The following UNC5C variants were observed in gnomAD, a reference collection of about 807,000 sequenced individuals.
The protein encoded by UNC5C is unc-5 netrin receptor C.
Under a neutral mutation model 99.8 loss-of-function variants are expected in UNC5C, and 47 were observed. The observed-to-expected ratio is 0.47, with a 90% CI of 0.37 to 0.60. The LOEUF (loss-of-function observed/expected upper bound fraction) is 0.60, where lower values mean the gene tolerates loss of function less well. Among genes scored for constraint, UNC5C ranks in the 20% least tolerant of loss-of-function variants. UNC5C has a pLI of 0.00. For missense variants in UNC5C, 1,062 were observed against 1,165.9 expected (o/e 0.91, Z 1.30); for synonymous variants, 487 against 452.2 (o/e 1.08, Z -0.98).
intron 7 of UNC5C, among the ~76,000 whole-genome samples, chr4:95,227,303 C>T (rs1738736178): frequency 6.6e-6 from 1 of 151,758 alleles, no homozygotes; most frequent in African/African-American, 2.4e-5. Flanking sequence ...ATCTGCACCA[C>T]CACACCCAGG....
At chr4:95,291,218 A>G (rs1027777450) in intron 3 of UNC5C, among the ~76,000 whole-genome samples, 1 of 152,024 alleles carries the variant, frequency 6.6e-6, no homozygotes, top group African/African-American at 2.4e-5. Flanking sequence ...TTAGTTTCAG[A>G]AAAAAAATGA....
At chr4:95,541,934 T>G (rs903088045) in intron 1 of UNC5C, among the ~76,000 whole-genome samples, 6 of 152,302 alleles carry the variant, frequency 3.9e-5, no homozygotes, top group African/African-American at 1.4e-4. Flanking sequence ...ATGAACTTGT[T>G]AAGTGTGCTG....
At chr4:95,275,780 C>A (rs1003487475) in intron 4 of UNC5C, among the ~76,000 whole-genome samples, 3 of 152,172 alleles carry the variant, frequency 2.0e-5, no homozygotes, top group Non-Finnish European at 4.4e-5. Flanking sequence ...TAGAACTAGC[C>A]ATATGCTTAT....
intron 1 of UNC5C, among the ~76,000 whole-genome samples, chr4:95,547,075 C>T (rs772405087): frequency 1.6e-4 from 24 of 151,812 alleles, no homozygotes; most frequent in Admixed American, 5.9e-4. Context: ...CTCTAAGCAC[C>T]CTTGGCTAGC....
chr4:95,260,127 C>T (rs1403220443), intron 4 of UNC5C, among the ~76,000 whole-genome samples: 2 of 152,162 alleles, frequency 1.3e-5, no homozygotes, highest in Non-Finnish European at 2.9e-5. Flanking sequence ...TCTTTTTCCT[C>T]ATTAAACTTT....
chr4:95,244,196 A>T lies in UNC5C; in HGVS notation c.943+781T>A, dbSNP rs545385737. ...TGAAAACACAATAGCTACTCCAATG[A>T]GTGCAGTAAATTTATGGATTATTTC... On this transcript the variant is annotated intron_variant, in intron 6 of 15. Coordinates refer to ENST00000453304, the MANE Select transcript of UNC5C (RefSeq NM_003728.4). Among the ~76,000 whole-genome samples, 16 of 152,336 alleles carry T rather than the reference A, an allele frequency of 1.1e-4. No individual in the cohort carries two copies. The South Asian group carries it at 2.7e-3, about 26-fold the overall frequency.
intron 1 of UNC5C, among the ~76,000 whole-genome samples, chr4:95,464,893 G>T (rs1052780454): frequency 6.6e-6 from 1 of 152,086 alleles, no homozygotes; most frequent in African/African-American, 2.4e-5. Context: ...ACGGTATTAG[G>T]TGCTACATTT....
intron 2 of UNC5C, among the ~76,000 whole-genome samples, chr4:95,302,734 A>G (rs967562035): frequency 6.6e-6 from 1 of 152,186 alleles, no homozygotes; most frequent in Non-Finnish European, 1.5e-5. Flanking sequence ...TGCACTATTC[A>G]TATGTCCATC....
intron 3 of UNC5C, among the ~76,000 whole-genome samples, chr4:95,290,990 AC>A (rs1579299860): frequency 6.6e-6 from 1 of 152,200 alleles, no homozygotes; most frequent in Non-Finnish European, 1.5e-5. Flanking sequence ...ATTCCAGGGA[AC>A]AAAGACTCTT....
chr4:95,331,751 A>T (rs1016551533), intron 2 of UNC5C, among the ~76,000 whole-genome samples: 14 of 152,076 alleles, frequency 9.2e-5, no homozygotes, highest in African/African-American at 3.1e-4. Flanking sequence ...TATAAAAAAT[A>T]AAGATTTCAC....
At chr4:95,525,372 C>T (rs1228394467) in intron 1 of UNC5C, among the ~76,000 whole-genome samples, 2 of 152,084 alleles carry the variant, frequency 1.3e-5, no homozygotes, top group Non-Finnish European at 2.9e-5. Flanking sequence ...TTTTGAAACT[C>T]ATGACTCCAG....
intron 1 of UNC5C, among the ~76,000 whole-genome samples, chr4:95,547,394 T>A (rs182892022): frequency 6.6e-6 from 1 of 151,876 alleles, no homozygotes; most frequent in African/African-American, 2.4e-5. Flanking sequence ...AACACCCCCA[T>A]CCCCACCCCC....
intron 1 of UNC5C, among the ~76,000 whole-genome samples, chr4:95,502,204 C>A (rs1560486330): frequency 6.6e-6 from 1 of 152,076 alleles, no homozygotes; most frequent in Non-Finnish European, 1.5e-5. Context: ...TTATGACTGG[C>A]CCCCAATCAC....
chr4:95,415,261 T>C (rs748076267), intron 1 of UNC5C, among the ~76,000 whole-genome samples: 3 of 152,208 alleles, frequency 2.0e-5, no homozygotes, highest in Non-Finnish European at 4.4e-5. Flanking sequence ...TCCTACTTTC[T>C]TCTTTTAGTC....
chr4:95,354,088 T>G (rs1744083522), intron 1 of UNC5C, among the ~76,000 whole-genome samples: 1 of 152,260 alleles, frequency 6.6e-6, no homozygotes, highest in Non-Finnish European at 1.5e-5. Context: ...GAAGTTCTAC[T>G]CATTGTATGA....
intron 1 of UNC5C, among the ~76,000 whole-genome samples, chr4:95,511,044 TCAGAAAGA>T (rs1344789586): frequency 6.6e-6 from 1 of 152,106 alleles, no homozygotes; most frequent in African/African-American, 2.4e-5. Context: ...GGATATTGAT[TCAGAAAGA>T]CAGAAAGAAT....
rs758878970 is a variant in UNC5C, at chr4:95,200,771, C to T, written c.2136+1960G>A. The stretch of plus-strand genomic sequence containing the variant: ...TGCTCTCTGTTCAGAGAACCATATC[C>T]GTATTTCTAACCGTGCCTTGGGCAT... On this transcript the variant is annotated intron_variant, in intron 12 of 15. Coordinates refer to ENST00000453304, the MANE Select transcript of UNC5C (RefSeq NM_003728.4). 3.3e-5 allele frequency among the ~76,000 whole-genome samples: 5 copies of T among 152,036 alleles called. No homozygotes were observed. In the East Asian group the frequency reaches 5.8e-4, roughly 18 times the overall value.
At chr4:95,358,767 G>A (rs1348482690) in intron 1 of UNC5C, among the ~76,000 whole-genome samples, 1 of 152,056 alleles carries the variant, frequency 6.6e-6, no homozygotes, top group Non-Finnish European at 1.5e-5. Context: ...GGCATTCTTT[G>A]TCACTTTAGC....
intron 3 of UNC5C, among the ~76,000 whole-genome samples, chr4:95,295,457 T>G (rs1417658359): frequency 6.6e-6 from 1 of 152,216 alleles, no homozygotes; most frequent in Non-Finnish European, 1.5e-5. Flanking sequence ...TCCTCTGCCT[T>G]GATTGTCTCA....
Sources: allele counts gnomAD v4.1 joint callset (sites outside exome capture counted in the v4.1 genomes callset), GRCh38; gene constraint gnomAD v4.1.1; transcripts MANE v1.5; gene names NCBI Gene and HGNC (gene_info 2026-07-23, HGNC 2026-07-21).